The following DONSON variants were observed in gnomAD, a reference collection of about 807,000 sequenced individuals.
DONSON encodes protein downstream neighbor of Son.
In DONSON, 43 loss-of-function variants were observed where a neutral mutation model predicts 62.1. The observed-to-expected ratio is 0.69, with a 90% CI of 0.54 to 0.89. DONSON has a LOEUF of 0.89. Among genes scored for constraint, DONSON ranks in the 40% least tolerant of loss-of-function variants. The pLI is 0.00. For missense variants in DONSON, 696 were observed against 697.5 expected, an observed-to-expected ratio of 1.00 and a Z score of 0.03; for synonymous variants, 266 against 264.6, an observed-to-expected ratio of 1.01 and a Z score of -0.05.
At chr21:33,581,620 T>C (rs2086511843) in intron 7 of DONSON, 120 bp from the exon 8 acceptor site, 1 of 797,740 alleles carries the variant, frequency 1.3e-6, no homozygotes, top group Non-Finnish European at 2.0e-6. Context: ...ATCCTCTTGC[T>C]ACCTCTCTTT....
At chr21:33,587,178 G>T (rs2086586785) in intron 2 of DONSON, among the ~76,000 whole-genome samples, 1 of 152,196 alleles carries the variant, frequency 6.6e-6, no homozygotes, top group Non-Finnish European at 1.5e-5. Flanking sequence ...ACAACCTGTG[G>T]AGGTGGGCCA....
At position 33,584,608 on chromosome 21, in the gene DONSON, T is replaced by C. The variant is rs750543203; in HGVS notation, c.767A>G (p.His256Arg). 7.5e-6 allele frequency: 12 copies of C among 1,607,530 alleles called. No individual in the cohort carries two copies. In the East Asian group the frequency reaches 2.0e-4, roughly 27 times the overall value. The change falls in exon 4 of 10, where the codon CAT (histidine) becomes CGT (arginine). Residue 256 changes from histidine (H) to arginine (R), a missense_variant. By Grantham distance (29) the His-to-Arg change is conservative. Transcript: ENST00000303071. ...ATCTTACCAGTCACTCATTAAAACA[T>C]GCTGCAGGGTTGCATCATTTGACCA... ...SPWSNDATLQ[H>R]VLMSDWSVSF... is the part of the protein sequence containing the mutation.
intron 1 of DONSON, 29 bp downstream of exon 1, chr21:33,588,292 C>T (rs775212854): frequency 2.6e-5 from 33 of 1,248,058 alleles, no homozygotes; most frequent in Non-Finnish European, 2.9e-5. Flanking sequence ...GACAAGAGCC[C>T]CTTGGCGGCC....
chr21:33,582,308 C>A, intron 5 of DONSON, 62 bp from the exon 6 acceptor site: 1 of 1,317,236 alleles, frequency 7.6e-7, no homozygotes, highest in Non-Finnish European at 1.1e-6. Context: ...GCATGCTGTA[C>A]TTTTAGAGTG....
At chr21:33,588,151 C>T (rs1204435653) in intron 1 of DONSON, among the ~76,000 whole-genome samples, 170 bp downstream of exon 1, 2 of 152,190 alleles carry the variant, frequency 1.3e-5, no homozygotes, top group Non-Finnish European at 2.9e-5. Flanking sequence ...ACAAACCCGG[C>T]CTTGCCAGAA....
In DONSON at chr21:33,585,983, T is replaced by C; in HGVS notation, c.601A>G (p.Ile201Val). ...CTATTTTATTTCAGAGTTACCTGTA[T>C]ACTTTTAGGCAAAGTAACTTCTGTT... Reference protein sequence around the residue: ...RATEVTLPKSIQDPKLSSELR... With the variant: ...RATEVTLPKSVQDPKLSSELR... Residue 201 changes from isoleucine (I) to valine (V), a missense_variant, in exon 3 of 10, where the codon ATA (isoleucine) becomes GTA (valine). Transcript: ENST00000303071. The C allele has an allele frequency of 1.9e-6, 3 of 1,614,178 alleles. No individual in the cohort carries two copies. Among genetic ancestry groups the C allele is most frequent in the East Asian group, 2.2e-5 (1 of 44,874 alleles).
chr21:33,578,420 TAGTA>T lies in DONSON; in HGVS notation c.1584_1587del (p.Asn530ValfsTer27). On this transcript the variant is annotated frameshift_variant, in exon 10 of 10. Coordinates refer to ENST00000303071, the MANE Select transcript of DONSON (RefSeq NM_017613.4). LOFTEE classifies it high-confidence loss of function. Reference sequence around the variant, plus strand: ...AGAGTGTTAGGGTGCAAACCACAGTTAGTAAGCTCCTTATGAACAACCTCCTGTG... The same window carrying T: ...AGAGTGTTAGGGTGCAAACCACAGTTAGCTCCTTATGAACAACCTCCTGTG... The T allele has an allele frequency of 6.2e-7, 1 of 1,613,828 alleles. No homozygotes were observed. Among genetic ancestry groups the T allele is most frequent in the Non-Finnish European group, 8.5e-7 (1 of 1,179,878 alleles).
chr21:33,588,451 C>G lies in DONSON; in HGVS notation c.191G>C (p.Arg64Thr). Residue 64 changes from arginine (R) to threonine (T), a missense_variant, in exon 1 of 10, where the codon AGA becomes ACA. Physicochemically the swap from Arg to Thr is moderately conservative, Grantham distance 71 (BLOSUM62 -1). Transcript: ENST00000303071. ...PLRPFPAAGG[R>T]GGGSGGGPAA... The stretch of plus-strand genomic sequence containing the variant: ...CGGGCCGCCGCCGCTGCCACCGCCT[C>G]TGCCCCCCGCAGCAGGGAAAGGGCG... 1 of 1,307,012 alleles carries G rather than the reference C, an allele frequency of 7.7e-7. No homozygotes were observed. The highest frequency in any genetic ancestry group is 9.7e-7 in the Non-Finnish European group (1 of 1,028,756). The allele number at this position is 1,307,012 out of a possible 1,614,324, so 81.0% of individuals were successfully genotyped here. A position where few individuals can be genotyped will look rare whatever the true frequency, so the allele number is the denominator to read the frequency against.
intron 4 of DONSON, 132 bp downstream of exon 4, chr21:33,584,458 T>C (rs1212732507): frequency 1.1e-5 from 9 of 823,288 alleles, no homozygotes; most frequent in East Asian, 2.8e-5. Flanking sequence ...TGGTTATTAA[T>C]AGGTTCAGAT....
chr21:33,588,432 G>GCCGCCGCTGCCA lies in DONSON; in HGVS notation c.198_209dup (p.Ser68_Gly71dup), dbSNP rs1203030442. 3 of 1,307,882 alleles carry GCCGCCGCTGCCA rather than the reference G, an allele frequency of 2.3e-6. No homozygotes were observed. Among genetic ancestry groups the GCCGCCGCTGCCA allele is most frequent in the African/African-American group, 1.5e-5 (1 of 65,294 alleles). The allele number at this position is 1,307,882 out of a possible 1,614,324, so 81.0% of individuals were successfully genotyped here. On this transcript the variant is annotated inframe_insertion, in exon 1 of 10. Coordinates refer to ENST00000303071, the MANE Select transcript of DONSON (RefSeq NM_017613.4). Reference sequence around the variant, plus strand: ...GGTTCCTCCGAGCAGCGGCCGGGCCGCCGCCGCTGCCACCGCCTCTGCCCC... The same window carrying GCCGCCGCTGCCA: ...GGTTCCTCCGAGCAGCGGCCGGGCCGCCGCCGCTGCCACCGCCGCTGCCACCGCCTCTGCCCC...
At chr21:33,578,762 T>C (rs2086466758) in intron 9 of DONSON, among the ~76,000 whole-genome samples, 1 of 152,184 alleles carries the variant, frequency 6.6e-6, no homozygotes, top group Admixed American at 6.5e-5. Context: ...AGGAATCAGG[T>C]ACTATTGAGT....
chr21:33,584,574 C>T lies in DONSON; in HGVS notation c.785+16G>A. On this transcript the variant is annotated intron_variant, in intron 4 of 9. Coordinates refer to ENST00000303071, the MANE Select transcript of DONSON (RefSeq NM_017613.4). ...ATTCACTATTGAATTATACAAGTTT[C>T]TCTTACTAATCTTACCAGTCACTCA... 6.4e-7 allele frequency: 1 copy of T among 1,565,594 alleles called. No individual in the cohort carries two copies. Among genetic ancestry groups the T allele is most frequent in the African/African-American group, 1.4e-5 (1 of 73,478 alleles).
chr21:33,581,113 T>A (rs2086504234), intron 8 of DONSON, 189 bp downstream of exon 8: 2 of 534,202 alleles, frequency 3.7e-6, no homozygotes, highest in South Asian at 2.7e-5. Context: ...TTCATATAAT[T>A]TATATATTTC....
At chr21:33,579,638 T>C (rs1284814634) in intron 8 of DONSON, 76 bp from the exon 9 acceptor site, 1 of 1,204,838 alleles carries the variant, frequency 8.3e-7, no homozygotes, top group Non-Finnish European at 1.2e-6. Context: ...ATGTTCAATA[T>C]ATTTCCATTT....
At chr21:33,580,133 G>A (rs2145899984) in intron 8 of DONSON, among the ~76,000 whole-genome samples, 1 of 152,072 alleles carries the variant, frequency 6.6e-6, no homozygotes. Flanking sequence ...AGAGGCAGAG[G>A]TTGAAGAATC....
At chr21:33,583,283 G>C (rs1411215552) in intron 5 of DONSON, among the ~76,000 whole-genome samples, 2 of 148,626 alleles carry the variant, frequency 1.3e-5, no homozygotes, top group African/African-American at 2.5e-5. Context: ...CACTGCCCAT[G>C]AAACTGATCC....
Position 33,586,070 on chromosome 21 carries a change from T to C in DONSON, c.514A>G (p.Thr172Ala). 1 of 1,614,148 alleles carries C rather than the reference T, an allele frequency of 6.2e-7. No individual in the cohort carries two copies. The highest frequency in any genetic ancestry group is 8.5e-7 in the Non-Finnish European group (1 of 1,180,024). Residue 172 changes from threonine (T) to alanine (A), a missense_variant, in exon 3 of 10, where the codon ACC becomes GCC. Transcript: ENST00000303071. ...RLLFTSSQPF[T>A]WADHLKAQEE... ...TGTGCTTTCAAATGATCTGCCCAGGTAAAGGGTTGAGAAGAGGTGAAAAGG... is the reference window on the plus strand; with the variant it reads ...TGTGCTTTCAAATGATCTGCCCAGGCAAAGGGTTGAGAAGAGGTGAAAAGG...
At chr21:33,581,596 A>G in intron 7 of DONSON, 96 bp from the exon 8 acceptor site, 1 of 999,472 alleles carries the variant, frequency 1.0e-6, no homozygotes, top group Non-Finnish European at 1.5e-6. Flanking sequence ...CCTTTTCTCC[A>G]TAATGAAATG....
chr21:33,581,556 A>G, intron 7 of DONSON, 56 bp from the exon 8 acceptor site: 1 of 1,464,524 alleles, frequency 6.8e-7, no homozygotes. Flanking sequence ...TGTGGAAAGC[A>G]GTTATCTTGA....
Sources: allele counts gnomAD v4.1 joint callset (sites outside exome capture counted in the v4.1 genomes callset), GRCh38; gene constraint gnomAD v4.1.1; transcripts MANE v1.5; gene names NCBI Gene and HGNC (gene_info 2026-07-23, HGNC 2026-07-21).